The following RALY variants were observed in gnomAD, a reference collection of about 807,000 sequenced individuals.
RALY encodes the protein RALY heterogeneous nuclear ribonucleoprotein.
A neutral mutation model predicts 30.7 loss-of-function variants in RALY; 15 were observed. The observed-to-expected ratio is 0.49, with a 90% CI of 0.33 to 0.75. The LOEUF is 0.75. Among genes scored for constraint, RALY ranks in the 30% least tolerant of loss-of-function variants. RALY has a pLI of 0.02. For missense variants in RALY, 339 were observed against 414.3 expected, an observed-to-expected ratio of 0.82 and a Z score of 1.58; for synonymous variants, 177 against 170.8, an observed-to-expected ratio of 1.04 and a Z score of -0.28.
intron 1 of RALY, among the ~76,000 whole-genome samples, chr20:34,010,231 G>A (rs528507821): frequency 6.6e-6 from 1 of 152,074 alleles, no homozygotes; most frequent in East Asian, 1.9e-4. Flanking sequence ...CTTATGAGTT[G>A]GTACCTGGTC....
At chr20:34,056,022 A>G (rs541317963) in intron 2 of RALY, among the ~76,000 whole-genome samples, 8 of 152,260 alleles carry the variant, frequency 5.3e-5, no homozygotes, top group Admixed American at 3.9e-4. Context: ...AGCTATAGGG[A>G]CTTACAAGTG....
rs570652989 is a variant in RALY, at chr20:34,051,245, G to A, written c.-10+19641G>A. On this transcript the variant is annotated intron_variant, in intron 2 of 9. Coordinates refer to ENST00000246194, the MANE Select transcript of RALY (RefSeq NM_016732.3). ...CCACTTGACAGTTGAGGAAACTAAG[G>A]CCCAGGAAGCTTTAAAGAGAGTTAG... Among the ~76,000 whole-genome samples, 309 of 152,228 alleles carry A rather than the reference G, an allele frequency of 2.0e-3. 1 individual carries two copies. The highest frequency in any genetic ancestry group is 2.9e-3 in the Non-Finnish European group (197 of 68,010).
intron 1 of RALY, among the ~76,000 whole-genome samples, chr20:33,996,550 T>C (rs1478792280): frequency 2.0e-5 from 3 of 152,106 alleles, no homozygotes; most frequent in African/African-American, 4.8e-5. Context: ...CTCAGGGTCA[T>C]GTAACTGGTA....
intron 1 of RALY, among the ~76,000 whole-genome samples, chr20:34,009,153 T>C (rs535165922): frequency 3.9e-5 from 6 of 152,126 alleles, no homozygotes; most frequent in African/African-American, 1.2e-4. Flanking sequence ...TTTTTCCATT[T>C]ATAAGAGTGG....
Position 34,018,772 on chromosome 20 carries a change from G to A in RALY, c.-92-12750G>A, listed in dbSNP as rs575860641. ...ACTTGTGGACTACAGGTTTGCCCAG[G>A]ACCCCTAATCTCAATAGAGGTTCCT... On this transcript the variant is annotated intron_variant, in intron 1 of 9. Transcript: ENST00000246194. Among the ~76,000 whole-genome samples, 10 of 152,260 alleles carry A rather than the reference G, an allele frequency of 6.6e-5. No individual in the cohort carries two copies. In the East Asian group the frequency reaches 1.9e-3, roughly 29 times the overall value.
intron 2 of RALY, among the ~76,000 whole-genome samples, chr20:34,038,929 A>T (rs983096528): frequency 3.9e-5 from 6 of 152,124 alleles, no homozygotes; most frequent in African/African-American, 1.4e-4. Flanking sequence ...GAAGTAGGAG[A>T]GTGTGGCGAT....
At chr20:34,041,585 C>T (rs2032702775) in intron 2 of RALY, among the ~76,000 whole-genome samples, 1 of 152,118 alleles carries the variant, frequency 6.6e-6, no homozygotes, top group Admixed American at 6.5e-5. Flanking sequence ...CCCTCTTGTC[C>T]CCCTCCTCAC....
At chr20:34,055,786 A>G (rs1276846205) in intron 2 of RALY, among the ~76,000 whole-genome samples, 2 of 152,210 alleles carry the variant, frequency 1.3e-5, no homozygotes, top group Non-Finnish European at 2.9e-5. Context: ...TGACATCATT[A>G]AAGTCACTGT....
At chr20:34,063,158 T>C (rs1473844762) in intron 2 of RALY, among the ~76,000 whole-genome samples, 2 of 152,218 alleles carry the variant, frequency 1.3e-5, no homozygotes, top group Admixed American at 1.3e-4. Flanking sequence ...GGTCACAACA[T>C]GTATCATCAC....
chr20:34,000,025 TA>T (rs1472343599), intron 1 of RALY, among the ~76,000 whole-genome samples: 3 of 152,142 alleles, frequency 2.0e-5, no homozygotes, highest in Non-Finnish European at 2.9e-5. Context: ...GGGGATATAG[TA>T]GGGGTGGAGA....
At chr20:34,033,442 A>G (rs2032360272) in intron 2 of RALY, among the ~76,000 whole-genome samples, 1 of 152,214 alleles carries the variant, frequency 6.6e-6, no homozygotes, top group Admixed American at 6.5e-5. Context: ...ATGTCTGGAA[A>G]AGTTCAAGAT....
At chr20:34,063,476 G>T (rs1185067719) in intron 2 of RALY, among the ~76,000 whole-genome samples, 2 of 152,156 alleles carry the variant, frequency 1.3e-5, no homozygotes, top group Non-Finnish European at 2.9e-5. Context: ...AGTCTCAGTT[G>T]TATCTGTAGA....
intron 2 of RALY, among the ~76,000 whole-genome samples, chr20:34,052,904 C>G (rs1172374286): frequency 1.3e-5 from 2 of 152,168 alleles, no homozygotes; most frequent in Non-Finnish European, 2.9e-5. Flanking sequence ...GTCTCCATCA[C>G]AAAATTGAGG....
chr20:34,045,312 T>TA (rs2032842674), intron 2 of RALY, among the ~76,000 whole-genome samples: 1 of 152,164 alleles, frequency 6.6e-6, no homozygotes, highest in African/African-American at 2.4e-5. Flanking sequence ...AGTAAAATGT[T>TA]AAAAAGTGGC....
intron 2 of RALY, among the ~76,000 whole-genome samples, chr20:34,063,843 T>G (rs1219357441): frequency 1.3e-5 from 2 of 152,094 alleles, no homozygotes; most frequent in East Asian, 3.9e-4. Context: ...TCCCTTTTGG[T>G]AGAGCCTTCC....
chr20:34,068,325 AG>A (rs1250665309), intron 2 of RALY, among the ~76,000 whole-genome samples: 2 of 152,172 alleles, frequency 1.3e-5, no homozygotes, highest in Non-Finnish European at 2.9e-5. Flanking sequence ...ACTCTAAGCT[AG>A]GGGGTACCTT....
chr20:34,033,339 G>A (rs939103713), intron 2 of RALY: 2 of 152,222 alleles, frequency 1.3e-5, no homozygotes, highest in African/African-American at 4.8e-5. Flanking sequence ...AGCATTTTAA[G>A]TGTCTGTCTT....
intron 1 of RALY, among the ~76,000 whole-genome samples, chr20:34,002,793 G>A (rs1387040428): frequency 6.6e-6 from 1 of 152,144 alleles, no homozygotes; most frequent in Non-Finnish European, 1.5e-5. Context: ...TTCTCTGGCT[G>A]GCTTCAGGAA....
chr20:34,009,611 A>G (rs568434892), intron 1 of RALY, among the ~76,000 whole-genome samples: 1 of 152,272 alleles, frequency 6.6e-6, no homozygotes, highest in South Asian at 2.1e-4. Context: ...AACTGAAGCA[A>G]AGAGACATGG....
Sources: allele counts gnomAD v4.1 joint callset (sites outside exome capture counted in the v4.1 genomes callset), GRCh38; gene constraint gnomAD v4.1.1; transcripts MANE v1.5; gene names NCBI Gene and HGNC (gene_info 2026-07-23, HGNC 2026-07-21).